EBF2: variants seen among roughly 807,000 people sequenced by gnomAD.
The protein encoded by EBF2 is EBF transcription factor 2.
A neutral mutation model predicts 72.8 loss-of-function variants in EBF2; 21 were observed. That is an observed-to-expected ratio of 0.29 (90% CI 0.20 to 0.42). The LOEUF (loss-of-function observed/expected upper bound fraction) is 0.42, where lower values mean the gene tolerates loss of function less well. Among genes scored for constraint, EBF2 ranks in the 10% least tolerant of loss-of-function variants. The pLI, the probability that EBF2 is intolerant of heterozygous loss-of-function variation, is 1.00. For synonymous variants in EBF2, 299 were observed against 274.2 expected (o/e 1.09, Z -0.89); for missense variants, 637 against 731.2 (o/e 0.87, Z 1.49).
intron 7 of EBF2, among the ~76,000 whole-genome samples, chr8:25,906,697 G>A (rs1241602888): frequency 6.6e-6 from 1 of 152,058 alleles, no homozygotes; most frequent in Non-Finnish European, 1.5e-5. Context: ...AACCCAGGAG[G>A]AGGAGGTTGC....
chr8:25,946,529 G>A (rs1221448562), intron 6 of EBF2, among the ~76,000 whole-genome samples: 6 of 152,210 alleles, frequency 3.9e-5, no homozygotes, highest in Admixed American at 3.3e-4. Context: ...CTGCAGAGAT[G>A]TCATCATGTT....
chr8:25,902,310 ACATTT>A (rs1218986121), intron 7 of EBF2, among the ~76,000 whole-genome samples: 1 of 152,052 alleles, frequency 6.6e-6, no homozygotes, highest in Admixed American at 6.6e-5. Flanking sequence ...AACTAGACAT[ACATTT>A]CTTTTCTTTT....
intron 6 of EBF2, among the ~76,000 whole-genome samples, chr8:25,945,870 C>G (rs1045703783): frequency 6.6e-6 from 1 of 151,830 alleles, no homozygotes; most frequent in African/African-American, 2.4e-5. Context: ...CCTATTGAAA[C>G]GGTCTTTCAT....
chr8:26,025,750 A>G (rs535698532), intron 6 of EBF2, among the ~76,000 whole-genome samples: 3 of 152,298 alleles, frequency 2.0e-5, no homozygotes, highest in Admixed American at 1.3e-4. Flanking sequence ...CCAAGAAACT[A>G]ACAAAGGTTT....
chr8:26,006,855 A>G (rs1331302247), intron 6 of EBF2, among the ~76,000 whole-genome samples: 3 of 152,232 alleles, frequency 2.0e-5, no homozygotes, highest in Non-Finnish European at 4.4e-5. Flanking sequence ...TGAACACAGC[A>G]GGACCCACTT....
At chr8:25,983,644 C>T (rs572934833) in intron 6 of EBF2, among the ~76,000 whole-genome samples, 1 of 152,294 alleles carries the variant, frequency 6.6e-6, no homozygotes, top group Admixed American at 6.5e-5. Context: ...TTCCAATCCC[C>T]AGCATTCACC....
At chr8:26,024,026 G>A (rs1209978270) in intron 6 of EBF2, among the ~76,000 whole-genome samples, 1 of 152,046 alleles carries the variant, frequency 6.6e-6, no homozygotes, top group Non-Finnish European at 1.5e-5. Flanking sequence ...TTTTGTATGG[G>A]CATATAAAGT....
intron 6 of EBF2, among the ~76,000 whole-genome samples, chr8:25,955,998 C>T (rs961447999): frequency 6.6e-6 from 1 of 151,964 alleles, no homozygotes; most frequent in African/African-American, 2.4e-5. Context: ...AAGACCCCAT[C>T]TTTATTTTTT....
intron 14 of EBF2, chr8:25,858,064 C>G (rs1206322850): frequency 1.6e-6 from 1 of 625,350 alleles, no homozygotes; most frequent in Admixed American, 2.1e-5. Flanking sequence ...CTTACACAGG[C>G]CACACATGCT....
chr8:25,908,005 G>A (rs1252484841), intron 7 of EBF2, among the ~76,000 whole-genome samples: 1 of 152,216 alleles, frequency 6.6e-6, no homozygotes, highest in African/African-American at 2.4e-5. Flanking sequence ...TTGTTGTCAC[G>A]CTGCGATCTT....
intron 6 of EBF2, among the ~76,000 whole-genome samples, chr8:25,951,766 C>A (rs1041965779): frequency 6.6e-6 from 1 of 152,166 alleles, no homozygotes; most frequent in African/African-American, 2.4e-5. Context: ...AGGCACCAAG[C>A]ATTCCCCCTA....
chr8:25,886,508 A>G (rs144077896), intron 10 of EBF2, among the ~76,000 whole-genome samples: 1 of 152,312 alleles, frequency 6.6e-6, no homozygotes, highest in Non-Finnish European at 1.5e-5. Context: ...AACAGAGTTA[A>G]ATTTTCAGAG....
intron 10 of EBF2, among the ~76,000 whole-genome samples, chr8:25,885,464 T>C (rs1802673706): frequency 6.6e-6 from 1 of 152,224 alleles, no homozygotes; most frequent in Admixed American, 6.5e-5. Flanking sequence ...ATTTGACTAC[T>C]GTATGTACTA....
At chr8:25,970,171 G>A (rs1272827104) in intron 6 of EBF2, among the ~76,000 whole-genome samples, 1 of 152,198 alleles carries the variant, frequency 6.6e-6, no homozygotes, top group African/African-American at 2.4e-5. Flanking sequence ...GCAGAGGGCT[G>A]CAGCCAGGCA....
intron 13 of EBF2, 68 bp from the exon 14 acceptor site, chr8:25,858,572 C>G (rs1802144495): frequency 6.6e-7 from 1 of 1,513,230 alleles, no homozygotes; most frequent in East Asian, 2.3e-5. Context: ...GTGGCTAGCA[C>G]AGGTCCTCAT....
intron 6 of EBF2, among the ~76,000 whole-genome samples, chr8:25,988,189 TCA>T (rs1428195115): frequency 2.6e-5 from 4 of 152,096 alleles, no homozygotes; most frequent in African/African-American, 9.7e-5. Context: ...CTGGGGCTCT[TCA>T]CACAGTTCTG....
intron 7 of EBF2, among the ~76,000 whole-genome samples, chr8:25,891,580 A>ATTT (rs200868966): frequency 3.6e-5 from 5 of 139,310 alleles, no homozygotes; most frequent in African/African-American, 1.0e-4. Context: ...ATCCTGTCGT[A>ATTT]TTTTTTTTTT....
chr8:25,936,093 G>A (rs1014470487), intron 6 of EBF2, among the ~76,000 whole-genome samples: 3 of 152,162 alleles, frequency 2.0e-5, no homozygotes, highest in Non-Finnish European at 1.5e-5. Flanking sequence ...CAGCAGAGGA[G>A]TAGAGAAGAG....
intron 6 of EBF2, among the ~76,000 whole-genome samples, chr8:25,983,435 A>G (rs1422728872): frequency 6.6e-6 from 1 of 152,118 alleles, no homozygotes. Context: ...TTGTTTTGTT[A>G]TTTCGTTTTA....
Sources: allele counts gnomAD v4.1 joint callset (sites outside exome capture counted in the v4.1 genomes callset), GRCh38; gene constraint gnomAD v4.1.1; transcripts MANE v1.5; gene names NCBI Gene and HGNC (gene_info 2026-07-23, HGNC 2026-07-21).